SLC17A2: variants seen among roughly 807,000 people sequenced by gnomAD.
SLC17A2 encodes the protein sodium-dependent phosphate transport protein 3.
SLC17A2 carries 38 observed loss-of-function variants against 52.1 expected under a neutral mutation model. That is an observed-to-expected ratio of 0.73 (90% CI 0.56 to 0.96). The LOEUF (loss-of-function observed/expected upper bound fraction) is 0.96, where lower values mean the gene tolerates loss of function less well. Ranked by LOEUF, SLC17A2 falls within the 40% of genes least tolerant of loss-of-function variation. SLC17A2 has a pLI of 0.00. For synonymous variants in SLC17A2, 226 were observed against 211.9 expected (o/e 1.07, Z -0.58); for missense variants, 508 against 583.9 (o/e 0.87, Z 1.34).
At position 25,923,869 on chromosome 6, in the gene SLC17A2, A is replaced by G; in HGVS notation, c.66T>C (p.Leu22=). The part of the protein sequence containing the change: ...DFCSLRYGLA[L]IMHFSNFTMI... Reference sequence around the variant, plus strand: ...TGGTGAAGTTTGAGAAGTGCATGATAAGAGCCAGCCCATAGCGTAATGAAC... The same window carrying G: ...TGGTGAAGTTTGAGAAGTGCATGATGAGAGCCAGCCCATAGCGTAATGAAC... Residue 22 remains leucine, a synonymous_variant, in exon 3 of 12, where the codon CTT becomes CTC. Coordinates refer to ENST00000377850, the MANE Select transcript of SLC17A2 (RefSeq NM_001286123.3). The G allele has an allele frequency of 6.2e-7, 1 of 1,614,224 alleles. No individual in the cohort carries two copies. The highest frequency in any genetic ancestry group is 8.5e-7 in the Non-Finnish European group (1 of 1,180,030).
At chr6:25,919,699 CAAAAAAAAAAAAAAA>C (rs766352177) in intron 5 of SLC17A2, among the ~76,000 whole-genome samples, 2 of 31,152 alleles carry the variant, frequency 6.4e-5, no homozygotes, top group Non-Finnish European at 1.2e-4. Flanking sequence ...GACACCGTCT[CAAAAAAAAAAAAAAA>C]AAAAAAAAAA....
intron 5 of SLC17A2, 62 bp downstream of exon 5, chr6:25,920,944 G>A: frequency 6.9e-7 from 1 of 1,450,538 alleles, no homozygotes; most frequent in Non-Finnish European, 9.6e-7. Flanking sequence ...TTGATTCATA[G>A]AAGATAAGAC....
At chr6:25,921,119 T>C in intron 4 of SLC17A2, 26 bp from the exon 5 acceptor site, 1 of 1,613,686 alleles carries the variant, frequency 6.2e-7, no homozygotes, top group Non-Finnish European at 8.5e-7. Context: ...TTAAGACCTT[T>C]GATATTTTGT....
chr6:25,913,370 C>A lies in SLC17A2; in HGVS notation c.1384G>T (p.Gly462Ter). The A allele has an allele frequency of 1.2e-6, 2 of 1,614,070 alleles. No homozygotes were observed. Among genetic ancestry groups the A allele is most frequent in the East Asian group, 2.2e-5 (1 of 44,872 alleles). The part of the protein sequence containing the change: ...MFGLVFYLTF[G>*]QAELQDWAKE... Reference sequence around the variant, plus strand: ...GCCCAGTCTTGAAGTTCTGCTTGTCCAAACGTGAGGTAAAAGACCAGGCCA... The same window carrying A: ...GCCCAGTCTTGAAGTTCTGCTTGTCAAAACGTGAGGTAAAAGACCAGGCCA... The change falls in exon 12 of 12, where the codon GGA becomes TGA. Residue 462 changes from glycine to a stop codon, truncating the protein, a stop_gained. Coordinates refer to ENST00000377850, the MANE Select transcript of SLC17A2 (RefSeq NM_001286123.3). LOFTEE classifies it high-confidence loss of function.
chr6:25,919,836 G>C (rs1766485157), intron 5 of SLC17A2, among the ~76,000 whole-genome samples: 1 of 151,862 alleles, frequency 6.6e-6, no homozygotes, highest in African/African-American at 2.4e-5. Context: ...AGCAGAGCCA[G>C]AGGGAAGTGC....
At chr6:25,917,697 AC>A (rs1766381607) in intron 6 of SLC17A2, among the ~76,000 whole-genome samples, 1 of 152,262 alleles carries the variant, frequency 6.6e-6, no homozygotes, top group South Asian at 2.1e-4. Context: ...GGCTATAAAA[AC>A]AAAATCAAGT....
intron 5 of SLC17A2, among the ~76,000 whole-genome samples, chr6:25,920,144 G>C (rs1232262406): frequency 1.3e-5 from 2 of 152,194 alleles, no homozygotes; most frequent in Non-Finnish European, 2.9e-5. Context: ...TAGAGGAGAT[G>C]GTTACAACTA....
chr6:25,928,462 C>G (rs570438463), intron 1 of SLC17A2, among the ~76,000 whole-genome samples: 1 of 152,204 alleles, frequency 6.6e-6, no homozygotes, highest in African/African-American at 2.4e-5. Flanking sequence ...ATCACAAACC[C>G]ATCACTTTAG....
intron 1 of SLC17A2, among the ~76,000 whole-genome samples, chr6:25,929,633 C>G (rs113788274): frequency 0.013 from 2,022 of 152,194 alleles, 22 homozygotes; most frequent in Middle Eastern, 0.041. Context: ...AACTGAGGGC[C>G]CTCTCATCAT....
intron 5 of SLC17A2, among the ~76,000 whole-genome samples, chr6:25,920,418 A>C (rs1446985664): frequency 6.6e-6 from 1 of 152,236 alleles, no homozygotes; most frequent in East Asian, 1.9e-4. Context: ...CTTAAATCTC[A>C]GACCTACCAC....
At chr6:25,913,913 A>G (rs933916818) in intron 11 of SLC17A2, among the ~76,000 whole-genome samples, 1 of 152,148 alleles carries the variant, frequency 6.6e-6, no homozygotes, top group African/African-American at 2.4e-5. Flanking sequence ...AGAAAGCCCT[A>G]CTAAGTCATT....
chr6:25,913,937 T>C (rs540067115), intron 11 of SLC17A2, among the ~76,000 whole-genome samples: 10 of 152,302 alleles, frequency 6.6e-5, no homozygotes, highest in African/African-American at 2.4e-4. Flanking sequence ...AGCATTATAG[T>C]CACAGTGGAT....
rs1766287975 is a variant in SLC17A2 at position 25,915,815 on chromosome 6, T to C, written c.984A>G (p.Leu328=). Residue 328 remains leucine (L), a synonymous_variant, in exon 9 of 12, where the codon TTA becomes TTG. Transcript: ENST00000377850. Reference sequence around the variant, plus strand: ...AAAGGAAATCTGCCAGCTGACCTCCTAAAATTGTACAGCTTGCAGCAGCAA... The same window carrying C: ...AAAGGAAATCTGCCAGCTGACCTCCCAAAATTGTACAGCTTGCAGCAGCAA... ...PFIAAASCTI[L]GGQLADFLLS... The C allele has an allele frequency of 1.2e-6, 2 of 1,614,050 alleles. No homozygotes were observed. The highest frequency in any genetic ancestry group is 1.7e-6 in the Non-Finnish European group (2 of 1,180,008).
rs1766160301 is a variant in SLC17A2 at position 25,913,044 on chromosome 6, G to A, written c.*273C>T. On this transcript the variant is annotated 3_prime_UTR_variant, in exon 12 of 12. Coordinates refer to ENST00000377850, the MANE Select transcript of SLC17A2 (RefSeq NM_001286123.3). The stretch of plus-strand genomic sequence containing the variant: ...AAGGCCACATGAATTGACTTTTCAA[G>A]TTTGTCCAGCTGTTGTCAACCCCGG... 3.1e-6 allele frequency: 1 copy of A among 323,960 alleles called. No homozygotes were observed. Among genetic ancestry groups the A allele is most frequent in the Non-Finnish European group, 5.6e-6 (1 of 177,050 alleles). The allele number at this position is 323,960 out of a possible 1,614,324, so 20.1% of individuals were successfully genotyped here.
intron 1 of SLC17A2, among the ~76,000 whole-genome samples, 152 bp downstream of exon 1, chr6:25,930,125 C>T (rs564266004): frequency 6.6e-6 from 1 of 152,246 alleles, no homozygotes; most frequent in South Asian, 2.1e-4. Context: ...GCCATGTTCT[C>T]CTTTTCCTGA....
At chr6:25,918,104 T>C (rs1766397475) in intron 6 of SLC17A2, among the ~76,000 whole-genome samples, 1 of 152,218 alleles carries the variant, frequency 6.6e-6, no homozygotes, top group African/African-American at 2.4e-5. Context: ...GAAATAATAA[T>C]TATAATGAAA....
chr6:25,918,379 A>G (rs1310530964), intron 6 of SLC17A2, 108 bp downstream of exon 6: 1 of 712,256 alleles, frequency 1.4e-6, no homozygotes, highest in Non-Finnish European at 2.5e-6. Flanking sequence ...ATCATCTTCC[A>G]TTTGATAAAG....
intron 10 of SLC17A2, among the ~76,000 whole-genome samples, chr6:25,915,039 C>A (rs1766248472): frequency 6.6e-6 from 1 of 151,260 alleles, no homozygotes; most frequent in Non-Finnish European, 1.5e-5. Context: ...GTGCCTCAGC[C>A]TTCTCCCTTA....
chr6:25,927,333 G>T (rs1766804175), intron 1 of SLC17A2, among the ~76,000 whole-genome samples: 1 of 152,162 alleles, frequency 6.6e-6, no homozygotes, highest in Non-Finnish European at 1.5e-5. Flanking sequence ...ATAGATTATT[G>T]TGATGGAAGC....
Sources: gnomAD v4.1 joint callset for allele counts (sites outside exome capture counted in the v4.1 genomes callset) on GRCh38, gnomAD v4.1.1 for gene constraint, MANE v1.5 for transcripts, NCBI Gene and HGNC (gene_info 2026-07-23, HGNC 2026-07-21) for gene names.